Variants in MTUS2 observed in about 807,000 individuals in gnomAD.
MTUS2 encodes microtubule associated scaffold protein 2.
A neutral mutation model predicts 114.1 loss-of-function variants in MTUS2; 40 were observed. The observed-to-expected ratio is 0.35, with a 90% confidence interval of 0.27 to 0.46. MTUS2 has a LOEUF of 0.46. MTUS2 is among the 20% of genes least tolerant of loss of function. The pLI, the probability that MTUS2 is intolerant of heterozygous loss-of-function variation, is 1.00. For synonymous variants in MTUS2, 688 were observed against 672.0 expected, an observed-to-expected ratio of 1.02 and a Z score of -0.37; for missense variants, 1,679 against 1,705.4, an observed-to-expected ratio of 0.98 and a Z score of 0.27.
chr13:29,016,469 A>C (rs1013040714), intron 2 of MTUS2, among the ~76,000 whole-genome samples: 1 of 152,144 alleles, frequency 6.6e-6, no homozygotes, highest in Non-Finnish European at 1.5e-5. Flanking sequence ...ATCAATGAAC[A>C]TAATATTTTG....
intron 5 of MTUS2, among the ~76,000 whole-genome samples, chr13:29,206,713 A>C (rs1289727952): frequency 6.6e-6 from 1 of 151,930 alleles, no homozygotes; most frequent in Non-Finnish European, 1.5e-5. Flanking sequence ...AGATCAGTTG[A>C]CTGTAGGTAG....
At chr13:28,842,252 G>C (rs1875562322) in intron 2 of MTUS2, among the ~76,000 whole-genome samples, 1 of 152,042 alleles carries the variant, frequency 6.6e-6, no homozygotes. Context: ...AGGAAAAAGG[G>C]AAACCAGATA....
chr13:29,289,538 C>T (rs796638785), intron 6 of MTUS2, among the ~76,000 whole-genome samples: 42 of 150,878 alleles, frequency 2.8e-4, no homozygotes, highest in African/African-American at 9.3e-4. Context: ...TCTTGGCTCA[C>T]TGCAACCTCT....
At chr13:29,482,537 A>G (rs1351064514) in intron 10 of MTUS2, among the ~76,000 whole-genome samples, 1 of 152,172 alleles carries the variant, frequency 6.6e-6, no homozygotes, top group Non-Finnish European at 1.5e-5. Context: ...TTACTCATTC[A>G]CCTGTGCAAA....
At chr13:28,919,374 AG>A (rs1237606600) in intron 2 of MTUS2, among the ~76,000 whole-genome samples, 2 of 151,892 alleles carry the variant, frequency 1.3e-5, no homozygotes, top group Admixed American at 6.6e-5. Context: ...TTTTCCCTTC[AG>A]CACTTTAAAT....
chr13:28,959,047 G>A (rs1044060888), intron 2 of MTUS2, among the ~76,000 whole-genome samples: 1 of 152,168 alleles, frequency 6.6e-6, no homozygotes, highest in African/African-American at 2.4e-5. Context: ...AGTGGTGGGG[G>A]TCCCTGGGCT....
intron 2 of MTUS2, among the ~76,000 whole-genome samples, chr13:28,840,164 C>T (rs1413892170): frequency 6.6e-6 from 1 of 151,832 alleles, no homozygotes; most frequent in African/African-American, 2.4e-5. Flanking sequence ...TCTTCAGTAA[C>T]AAAGGGTCAT....
intron 7 of MTUS2, among the ~76,000 whole-genome samples, chr13:29,325,604 ATCCT>A (rs1900476344): frequency 8.6e-6 from 1 of 116,116 alleles, no homozygotes; most frequent in South Asian, 3.1e-4. Flanking sequence ...AGAAGAAGAA[ATCCT>A]ATTGTAAGAC....
At chr13:29,338,931 G>A (rs181701601) in intron 7 of MTUS2, among the ~76,000 whole-genome samples, 22 of 152,246 alleles carry the variant, frequency 1.4e-4, no homozygotes, top group Non-Finnish European at 2.9e-4. Flanking sequence ...AAGGAGAGGC[G>A]GGGCTGAGGC....
At chr13:29,470,377 T>C (rs1481774084) in intron 9 of MTUS2, among the ~76,000 whole-genome samples, 1 of 152,172 alleles carries the variant, frequency 6.6e-6, no homozygotes, top group African/African-American at 2.4e-5. Flanking sequence ...CAGAGGGGAA[T>C]TCCACTGTAA....
chr13:28,924,837 TTTAAGA>T (rs1252898047), intron 2 of MTUS2, among the ~76,000 whole-genome samples: 1 of 152,084 alleles, frequency 6.6e-6, no homozygotes, highest in African/African-American at 2.4e-5. Context: ...TGGAAATCAC[TTTAAGA>T]TTAGTGAGTA....
chr13:29,285,498 T>C (rs1024693961), intron 6 of MTUS2, among the ~76,000 whole-genome samples: 2 of 152,214 alleles, frequency 1.3e-5, no homozygotes, highest in African/African-American at 4.8e-5. Context: ...GATGGAAATA[T>C]ATACAGATTA....
intron 8 of MTUS2, among the ~76,000 whole-genome samples, chr13:29,362,855 T>C (rs1870383848): frequency 6.6e-6 from 1 of 152,196 alleles, no homozygotes; most frequent in African/African-American, 2.4e-5. Context: ...AATCTCCCTT[T>C]TCTGCCCCAT....
chr13:29,142,000 C>G (rs922039377), intron 5 of MTUS2, among the ~76,000 whole-genome samples: 1 of 151,776 alleles, frequency 6.6e-6, no homozygotes, highest in East Asian at 1.9e-4. Flanking sequence ...GCTGGGACTA[C>G]AGGCACCCAC....
At chr13:29,046,207 GGCTT>G (rs1887609869) in intron 4 of MTUS2, among the ~76,000 whole-genome samples, 1 of 151,152 alleles carries the variant, frequency 6.6e-6, no homozygotes. Context: ...CGACCTCCCA[GGCTT>G]GAGCAATCCT....
chr13:28,918,354 T>A (rs1880859783), intron 2 of MTUS2, among the ~76,000 whole-genome samples: 1 of 152,034 alleles, frequency 6.6e-6, no homozygotes, highest in South Asian at 2.1e-4. Context: ...ATCTGGGTGC[T>A]CTATCACTGG....
At position 29,025,271 on chromosome 13, in the gene MTUS2, T is replaced by C; in HGVS notation, c.573T>C (p.Thr191=). The C allele has an allele frequency of 6.2e-7, 1 of 1,613,874 alleles. No homozygotes were observed. Among genetic ancestry groups the C allele is most frequent in the Non-Finnish European group, 8.5e-7 (1 of 1,179,864 alleles). The change falls in exon 3 of 16, where the codon ACT becomes ACC. Residue 191 remains threonine, a synonymous_variant. Transcript: ENST00000612955. ...SSSVAAVGSL[T]PQHPQPLSLD... ...CTGTAGCTGCAGTCGGGAGCCTGAC[T>C]CCGCAGCATCCACAGCCTCTATCCC... is the stretch of plus-strand genomic sequence containing the variant.
chr13:29,253,944 T>A (rs1593226310), intron 5 of MTUS2, among the ~76,000 whole-genome samples: 1 of 152,150 alleles, frequency 6.6e-6, no homozygotes, highest in African/African-American at 2.4e-5. Context: ...CATGATGTAA[T>A]TACCTCCCAC....
chr13:28,908,811 T>C (rs1880216194), intron 2 of MTUS2, among the ~76,000 whole-genome samples: 1 of 151,650 alleles, frequency 6.6e-6, no homozygotes, highest in African/African-American at 2.4e-5. Context: ...TCTAGGGTTT[T>C]TATGGTTTTA....
Sources: allele counts gnomAD v4.1 joint callset (sites outside exome capture counted in the v4.1 genomes callset), GRCh38; gene constraint gnomAD v4.1.1; transcripts MANE v1.5; gene names NCBI Gene and HGNC (gene_info 2026-07-23, HGNC 2026-07-21).